Variants in PRDM16 observed in about 807,000 individuals in gnomAD.
PRDM16 encodes the protein PR/SET domain 16.
A neutral mutation model predicts 110.6 loss-of-function variants in PRDM16; 23 were observed. The observed-to-expected ratio is 0.21, with a 90% CI of 0.15 to 0.29. PRDM16 has a LOEUF of 0.29. Among genes scored for constraint, PRDM16 ranks in the 10% least tolerant of loss-of-function variants. The pLI, the probability that PRDM16 is intolerant of heterozygous loss-of-function variation, is 1.00. For synonymous variants in PRDM16, 799 were observed against 781.8 expected (o/e 1.02, Z -0.37); for missense variants, 1,615 against 1,794.3 (o/e 0.90, Z 1.81).
intron 1 of PRDM16, among the ~76,000 whole-genome samples, chr1:3,178,011 G>T (rs561183550): frequency 6.6e-6 from 1 of 152,314 alleles, no homozygotes; most frequent in African/African-American, 2.4e-5. Flanking sequence ...GCGGCGTCTT[G>T]CTGCCTCTGG....
chr1:3,394,257 G>A (rs892217734), intron 4 of PRDM16, among the ~76,000 whole-genome samples: 2 of 151,984 alleles, frequency 1.3e-5, no homozygotes, highest in Non-Finnish European at 2.9e-5. Context: ...GGCGTCCTGG[G>A]AGTGTCTGTG....
chr1:3,205,362 A>G (rs1638731367), intron 2 of PRDM16, among the ~76,000 whole-genome samples: 1 of 152,116 alleles, frequency 6.6e-6, no homozygotes, highest in South Asian at 2.1e-4. Flanking sequence ...TACACCCGGG[A>G]AAATGCCGAG....
intron 3 of PRDM16, among the ~76,000 whole-genome samples, chr1:3,268,238 G>A (rs1040818100): frequency 5.3e-5 from 8 of 152,244 alleles, no homozygotes; most frequent in Non-Finnish European, 1.2e-4. Flanking sequence ...GCGTGGAAGT[G>A]TGTTTGTCTC....
chr1:3,181,218 G>GGTCTTACACACGCAGTCTTACACA (rs1644165748), intron 1 of PRDM16, among the ~76,000 whole-genome samples: 3 of 50,298 alleles, frequency 6.0e-5, no homozygotes, highest in Non-Finnish European at 9.4e-5. Context: ...TCTTACACAC[G>GGTCTTACACACGCAGTCTTACACA]CAGTCTTACA....
At chr1:3,194,613 TCTCCCCACCACACGCCAC>T (rs1638410115) in intron 2 of PRDM16, among the ~76,000 whole-genome samples, 1 of 145,970 alleles carries the variant, frequency 6.9e-6, no homozygotes, top group Non-Finnish European at 1.5e-5. Context: ...CACGCCACCG[TCTCCCCACCACACGCCAC>T]CGTCTCCCCG....
intron 3 of PRDM16, among the ~76,000 whole-genome samples, chr1:3,300,836 C>T (rs536177995): frequency 7.2e-5 from 11 of 152,280 alleles, no homozygotes; most frequent in South Asian, 2.1e-4. Context: ...TTCCTTCAAC[C>T]GCTTAGATCC....
intron 1 of PRDM16, among the ~76,000 whole-genome samples, chr1:3,100,564 T>A (rs1246435371): frequency 3.3e-5 from 5 of 152,110 alleles, no homozygotes; most frequent in Non-Finnish European, 7.4e-5. Context: ...CCCACAGGCC[T>A]GGAGAAGCGA....
At chr1:3,361,216 C>T (rs1024049262) in intron 3 of PRDM16, among the ~76,000 whole-genome samples, 2 of 152,170 alleles carry the variant, frequency 1.3e-5, no homozygotes, top group East Asian at 1.9e-4. Flanking sequence ...CTGCTTTCAC[C>T]GTCACAGCCT....
intron 2 of PRDM16, among the ~76,000 whole-genome samples, chr1:3,231,388 A>T (rs1368819086): frequency 6.6e-6 from 1 of 150,498 alleles, no homozygotes; most frequent in Non-Finnish European, 1.5e-5. Flanking sequence ...GTCGTCATGG[A>T]CAGCGGTCAA....
At chr1:3,301,358 AAAAG>A (rs1325598757) in intron 3 of PRDM16, among the ~76,000 whole-genome samples, 7 of 151,852 alleles carry the variant, frequency 4.6e-5, no homozygotes, top group Admixed American at 6.6e-5. Flanking sequence ...AAGAAAAAAA[AAAAG>A]GAAGGAAGGA....
chr1:3,279,861 C>T (rs1459301756), intron 3 of PRDM16, among the ~76,000 whole-genome samples: 2 of 121,744 alleles, frequency 1.6e-5, no homozygotes, highest in Non-Finnish European at 3.3e-5. Flanking sequence ...AGTGGACAGG[C>T]GGCCCCTCCT....
chr1:3,422,864 C>A (rs540099054), intron 12 of PRDM16, among the ~76,000 whole-genome samples: 1 of 152,214 alleles, frequency 6.6e-6, no homozygotes, highest in African/African-American at 2.4e-5. Context: ...TGGGAGGAGA[C>A]GCTGGGACCC....
At chr1:3,317,490 T>A (rs1293325076) in intron 3 of PRDM16, among the ~76,000 whole-genome samples, 1 of 152,154 alleles carries the variant, frequency 6.6e-6, no homozygotes, top group Non-Finnish European at 1.5e-5. Context: ...CCGTCGGAAG[T>A]CTCCAGGTCT....
intron 1 of PRDM16, among the ~76,000 whole-genome samples, chr1:3,149,891 T>C (rs1248139143): frequency 6.6e-6 from 1 of 152,202 alleles, no homozygotes; most frequent in East Asian, 1.9e-4. Context: ...GTACTCCTGC[T>C]GTTACTTTTG....
At chr1:3,262,779 G>A (rs1465620559) in intron 3 of PRDM16, among the ~76,000 whole-genome samples, 1 of 152,234 alleles carries the variant, frequency 6.6e-6, no homozygotes, top group Admixed American at 6.5e-5. Context: ...GGGGTCCCAG[G>A]GACGACACCT....
chr1:3,105,558 GGCATCCCCTCAGATGTGAGCCTAGC>G (rs762006635), intron 1 of PRDM16, among the ~76,000 whole-genome samples: 64 of 152,320 alleles, frequency 4.2e-4, no homozygotes, highest in Non-Finnish European at 7.8e-4. Context: ...CTTTGTTCCC[GGCATCCCCTCAGATGTGAGCCTAGC>G]GCTGTCCCCA....
At chr1:3,156,587 C>CCT (rs144418814) in intron 1 of PRDM16, among the ~76,000 whole-genome samples, 2 of 151,896 alleles carry the variant, frequency 1.3e-5, no homozygotes, top group Admixed American at 6.6e-5. Flanking sequence ...TGGAGGTTTC[C>CCT]CTCTCTCTCT....
chr1:3,348,763 G>A (rs764292822), intron 3 of PRDM16, among the ~76,000 whole-genome samples: 2 of 152,192 alleles, frequency 1.3e-5, no homozygotes, highest in Non-Finnish European at 2.9e-5. Flanking sequence ...CGGGGCCGCA[G>A]TGAGCCTGGG....
chr1:3,087,223 C>T (rs1014370541), intron 1 of PRDM16, among the ~76,000 whole-genome samples: 3 of 150,828 alleles, frequency 2.0e-5, no homozygotes, highest in African/African-American at 4.9e-5. Context: ...AGACCAGCCC[C>T]ACCCGAGACC....
Sources: allele counts gnomAD v4.1 joint callset (sites outside exome capture counted in the v4.1 genomes callset), GRCh38; gene constraint gnomAD v4.1.1; transcripts MANE v1.5; gene names NCBI Gene and HGNC (gene_info 2026-07-23, HGNC 2026-07-21).